Variants in DNER observed in about 807,000 individuals in gnomAD.
DNER encodes the protein delta and Notch-like epidermal growth factor-related receptor.
DNER carries 33 observed loss-of-function variants against 78.2 expected under a neutral mutation model. The ratio of observed to expected loss-of-function variants is 0.42; its 90% CI spans 0.32 to 0.56. The LOEUF (loss-of-function observed/expected upper bound fraction) is 0.56. DNER is among the 20% of genes least tolerant of loss of function. The pLI is 0.11. For missense variants in DNER, 918 were observed against 975.3 expected (o/e 0.94, Z 0.78); for synonymous variants, 417 against 384.8 (o/e 1.08, Z -0.98).
rs115062713 is a variant in DNER at position 229,494,635 on chromosome 2, G to C, written c.1148-17382C>G. ...TATTCAGGCCCATTGAAATCTGGGAGGCTGTCATACCCTTAGAAACAAAGG... is the reference window on the plus strand; with the variant it reads ...TATTCAGGCCCATTGAAATCTGGGACGCTGTCATACCCTTAGAAACAAAGG... On this transcript the variant is annotated intron_variant, in intron 6 of 12. Coordinates refer to ENST00000341772, the MANE Select transcript of DNER (RefSeq NM_139072.4). 3.0e-3 allele frequency among the ~76,000 whole-genome samples: 450 copies of C among 152,300 alleles called. 5 individuals are homozygous for C. Among genetic ancestry groups the C allele is most frequent in the African/African-American group, 0.01 (418 of 41,570 alleles).
chr2:229,628,733 T>A (rs566897488), intron 1 of DNER, among the ~76,000 whole-genome samples: 4 of 152,258 alleles, frequency 2.6e-5, no homozygotes, highest in African/African-American at 9.6e-5. Flanking sequence ...CCCAGCTTCC[T>A]GAGGCAGTGT....
intron 4 of DNER, among the ~76,000 whole-genome samples, chr2:229,567,495 A>G (rs1257379293): frequency 6.6e-6 from 1 of 152,212 alleles, no homozygotes; most frequent in East Asian, 1.9e-4. Context: ...AGAGAGAAAC[A>G]AGGAACCCAG....
chr2:229,372,692 T>A (rs1380385457), intron 11 of DNER, among the ~76,000 whole-genome samples: 1 of 152,184 alleles, frequency 6.6e-6, no homozygotes, highest in Non-Finnish European at 1.5e-5. Flanking sequence ...TCCTTCTGGC[T>A]GTGCATGAAG....
chr2:229,672,379 T>C (rs1197526720), intron 1 of DNER, among the ~76,000 whole-genome samples: 1 of 144,248 alleles, frequency 6.9e-6, no homozygotes, highest in Non-Finnish European at 1.5e-5. Flanking sequence ...GCTCCAAAGG[T>C]GCATGGAGAG....
At chr2:229,599,636 AT>A (rs1259529192) in intron 1 of DNER, among the ~76,000 whole-genome samples, 1 of 152,214 alleles carries the variant, frequency 6.6e-6, no homozygotes, top group Non-Finnish European at 1.5e-5. Context: ...CATCAAAATT[AT>A]TTTTAATCAT....
chr2:229,555,537 G>A (rs962693247), intron 4 of DNER, among the ~76,000 whole-genome samples: 4 of 152,118 alleles, frequency 2.6e-5, no homozygotes, highest in African/African-American at 7.2e-5. Context: ...GTGCTCAGGC[G>A]TAAAACATCA....
chr2:229,399,125 C>T (rs1238671034), intron 10 of DNER, among the ~76,000 whole-genome samples: 1 of 151,492 alleles, frequency 6.6e-6, no homozygotes, highest in Admixed American at 6.6e-5. Flanking sequence ...AAAACTGCCG[C>T]TCTTTTCAGA....
Position 229,569,249 on chromosome 2 carries a change from G to A in DNER, c.847+16609C>T, listed in dbSNP as rs140550691. ...TTCTAGTCCCTTACATAGGCTGAGC[G>A]CAGTTGCTCAAGCCTGTAATCCCAC... is the stretch of plus-strand genomic sequence containing the variant. On this transcript the variant is annotated intron_variant, in intron 4 of 12. Transcript: ENST00000341772. Among the ~76,000 whole-genome samples the A allele has an allele frequency of 7.9e-4, 120 of 152,296 alleles. 1 individual carries two copies. Among genetic ancestry groups the A allele is most frequent in the African/African-American group, 2.6e-3 (110 of 41,570 alleles).
intron 9 of DNER, 114 bp downstream of exon 9, chr2:229,417,994 T>G: frequency 1.3e-6 from 2 of 1,522,960 alleles, no homozygotes; most frequent in Non-Finnish European, 1.8e-6. Flanking sequence ...CTTCAGCATT[T>G]GATTGTTATT....
At chr2:229,491,434 G>C (rs12464934) in intron 6 of DNER, among the ~76,000 whole-genome samples, 1 of 151,986 alleles carries the variant, frequency 6.6e-6, no homozygotes, top group Non-Finnish European at 1.5e-5. Flanking sequence ...CCTCCCAAAG[G>C]CTCCACCTTC....
At chr2:229,420,324 A>G (rs1450099890) in intron 8 of DNER, among the ~76,000 whole-genome samples, 5 of 152,216 alleles carry the variant, frequency 3.3e-5, no homozygotes. Flanking sequence ...TTTGGATATT[A>G]ACCCCTTATC....
At chr2:229,564,000 A>C (rs1404916161) in intron 4 of DNER, among the ~76,000 whole-genome samples, 2 of 118,454 alleles carry the variant, frequency 1.7e-5, no homozygotes, top group Admixed American at 8.4e-5. Context: ...CATCATCCTC[A>C]CCCCATCACC....
At chr2:229,422,842 G>C (rs1444541537) in intron 8 of DNER, among the ~76,000 whole-genome samples, 1 of 152,198 alleles carries the variant, frequency 6.6e-6, no homozygotes, top group Non-Finnish European at 1.5e-5. Flanking sequence ...GGAGAACAAA[G>C]AGCCAGATCA....
chr2:229,585,770 A>T, intron 4 of DNER, 88 bp downstream of exon 4: 2 of 1,431,936 alleles, frequency 1.4e-6, no homozygotes, highest in South Asian at 1.3e-5. Flanking sequence ...AGATTATCTG[A>T]GCAAAATTCC....
intron 11 of DNER, among the ~76,000 whole-genome samples, chr2:229,386,853 T>C (rs1325192708): frequency 6.6e-6 from 1 of 152,076 alleles, no homozygotes; most frequent in African/African-American, 2.4e-5. Flanking sequence ...TGTGGAGAAA[T>C]AGGAATGCTT....
At chr2:229,490,232 C>A (rs1295500260) in intron 6 of DNER, among the ~76,000 whole-genome samples, 4 of 152,130 alleles carry the variant, frequency 2.6e-5, no homozygotes, top group African/African-American at 9.7e-5. Flanking sequence ...AGGTTAGAAG[C>A]ACATGATCCT....
At chr2:229,595,750 T>C (rs12998709) in intron 1 of DNER, among the ~76,000 whole-genome samples, 55,395 of 152,082 alleles carry the variant, frequency 0.36, 10,247 homozygotes, top group East Asian at 0.47. Context: ...GCACCGGCAG[T>C]ACCCTCTGCC....
chr2:229,566,176 C>T (rs931709541), intron 4 of DNER, among the ~76,000 whole-genome samples: 4 of 152,156 alleles, frequency 2.6e-5, no homozygotes, highest in South Asian at 2.1e-4. Flanking sequence ...GATGAGCTAA[C>T]GTGAAAAGCT....
chr2:229,426,906 T>C (rs1411857515), intron 8 of DNER, among the ~76,000 whole-genome samples: 1 of 152,030 alleles, frequency 6.6e-6, no homozygotes, highest in Non-Finnish European at 1.5e-5. Context: ...ATGGAGGAAG[T>C]TGTGTAAGTC....
Sources: allele counts gnomAD v4.1 joint callset (sites outside exome capture counted in the v4.1 genomes callset), GRCh38; gene constraint gnomAD v4.1.1; transcripts MANE v1.5; gene names NCBI Gene and HGNC (gene_info 2026-07-23, HGNC 2026-07-21).